The following LOC400499 variants were observed in gnomAD, a reference collection of about 807,000 sequenced individuals.
chr16:11,474,389 C>T, the LOC400499 span, among the ~76,000 whole-genome samples: 1 of 152,240 alleles, frequency 6.6e-6, no homozygotes. Context: ...ACCCTTACCT[C>T]ACTGGCATTT....
chr16:11,461,179 C>T, the LOC400499 span: 38 of 1,475,710 alleles, frequency 2.6e-5, no homozygotes, highest in Non-Finnish European at 3.3e-5. Flanking sequence ...GCACCCCCAT[C>T]CCCAGGCAAA....
the LOC400499 span, chr16:11,449,107 C>T: frequency 3.1e-4 from 445 of 1,448,130 alleles, 4 homozygotes; most frequent in African/African-American, 5.3e-3. Flanking sequence ...ACTGTGGAAA[C>T]CTGCAATGAG....
At chr16:11,490,368 CCTGGGCAA>C in the LOC400499 span, among the ~76,000 whole-genome samples, 1 of 145,454 alleles carries the variant, frequency 6.9e-6, no homozygotes, top group Non-Finnish European at 1.5e-5. Flanking sequence ...TGCACTCCAG[CCTGGGCAA>C]CAGAGTGAGA....
the LOC400499 span, among the ~76,000 whole-genome samples, chr16:11,433,301 A>C: frequency 6.6e-6 from 1 of 152,170 alleles, no homozygotes; most frequent in Non-Finnish European, 1.5e-5. Context: ...AGGTGGATGG[A>C]CAGACAGCTG....
At chr16:11,510,133 C>A in the LOC400499 span, among the ~76,000 whole-genome samples, 64 of 151,786 alleles carry the variant, frequency 4.2e-4, 1 homozygote, top group East Asian at 0.012. Flanking sequence ...CTTCCCTGAG[C>A]CCCGCTTGGA....
the LOC400499 span, among the ~76,000 whole-genome samples, chr16:11,408,204 A>C: frequency 6.6e-6 from 1 of 152,074 alleles, no homozygotes; most frequent in African/African-American, 2.4e-5. Flanking sequence ...GCCAGTCTCG[A>C]ACTCCTGACC....
the LOC400499 span, chr16:11,404,985 T>A: frequency 2.5e-6 from 1 of 397,194 alleles, no homozygotes; most frequent in Middle Eastern, 6.3e-4. Flanking sequence ...TACAGTTTCC[T>A]GAATGGTGAC....
At chr16:11,446,573 G>A in the LOC400499 span, 1 of 1,536,064 alleles carries the variant, frequency 6.5e-7, no homozygotes, top group Non-Finnish European at 8.7e-7. Context: ...CAAGTAACCA[G>A]GCACCCCTCT....
the LOC400499 span, among the ~76,000 whole-genome samples, chr16:11,490,392 T>A: frequency 8.5e-6 from 1 of 117,702 alleles, no homozygotes. Context: ...TGAGACTCTG[T>A]CTCGAAAAAA....
chr16:11,413,996 G>A, the LOC400499 span, among the ~76,000 whole-genome samples: 84,364 of 151,862 alleles, frequency 0.56, 23,985 homozygotes, highest in African/African-American at 0.67. Context: ...GGATGAGACT[G>A]ACGAACGCCC....
chr16:11,473,502 T>C, the LOC400499 span, among the ~76,000 whole-genome samples: 1 of 151,700 alleles, frequency 6.6e-6, no homozygotes, highest in South Asian at 2.1e-4. Context: ...CATAATGGAG[T>C]TGAAAAGTTT....
the LOC400499 span, chr16:11,471,561 G>A: frequency 2.5e-6 from 1 of 398,622 alleles, no homozygotes; most frequent in African/African-American, 2.1e-5. Flanking sequence ...CAGCCCCAGA[G>A]AGGAGCCCCA....
the LOC400499 span, among the ~76,000 whole-genome samples, chr16:11,476,252 T>C: frequency 2.0e-5 from 3 of 151,634 alleles, no homozygotes; most frequent in African/African-American, 4.9e-5. Flanking sequence ...AGGGAAAGAA[T>C]ATGGGTAGGT....
At chr16:11,484,843 C>A in the LOC400499 span, 8,944 of 398,944 alleles carry the variant, frequency 0.022, 363 homozygotes, top group East Asian at 0.14. Flanking sequence ...GTGGGCCTGC[C>A]TGGGGGAGTA....
the LOC400499 span, chr16:11,462,149 C>T: frequency 2.0e-6 from 3 of 1,527,100 alleles, no homozygotes; most frequent in Non-Finnish European, 2.6e-6. Context: ...CAGCAGATGG[C>T]TCAGCGATGC....
chr16:11,383,717 C>A, the LOC400499 span: 12 of 1,232,308 alleles, frequency 9.7e-6, no homozygotes, highest in Admixed American at 4.2e-5. Context: ...AGGTTGCAGG[C>A]AGGCTGGAGC....
chr16:11,520,170 A>T, the LOC400499 span, among the ~76,000 whole-genome samples: 2 of 152,184 alleles, frequency 1.3e-5, no homozygotes, highest in African/African-American at 2.4e-5. Context: ...GAGGGTGGTG[A>T]TGGTTGTACA....
At chr16:11,434,183 G>A in the LOC400499 span, among the ~76,000 whole-genome samples, 26 of 152,092 alleles carry the variant, frequency 1.7e-4, no homozygotes, top group African/African-American at 2.7e-4. Flanking sequence ...TTCTTCCACC[G>A]TTATGAGAGC....
the LOC400499 span, among the ~76,000 whole-genome samples, chr16:11,412,179 C>T: frequency 1.0e-3 from 155 of 152,254 alleles, no homozygotes; most frequent in African/African-American, 3.6e-3. Context: ...TCCCCTGTTG[C>T]TAACTCCAGG....
Sources: allele counts gnomAD v4.1 joint callset (sites outside exome capture counted in the v4.1 genomes callset), GRCh38; gene constraint gnomAD v4.1.1; transcripts MANE v1.5.